Variants in LMTK2 observed in about 807,000 individuals in gnomAD.
The protein encoded by LMTK2 is serine/threonine-protein kinase LMTK2.
LMTK2 carries 37 observed loss-of-function variants against 127.5 expected under a neutral mutation model. That is an observed-to-expected ratio of 0.29 (90% CI 0.22 to 0.38). The LOEUF (loss-of-function observed/expected upper bound fraction) is 0.38, where lower values mean the gene tolerates loss of function less well. Ranked by LOEUF, LMTK2 falls within the 10% of genes least tolerant of loss-of-function variation. The pLI is 1.00. For synonymous variants in LMTK2, 819 were observed against 810.1 expected, an observed-to-expected ratio of 1.01 and a Z score of -0.19; for missense variants, 1,694 against 1,920.3, an observed-to-expected ratio of 0.88 and a Z score of 2.20.
chr7:98,107,781 TG>T, intron 1 of LMTK2, among the ~76,000 whole-genome samples: 2 of 152,324 alleles, frequency 1.3e-5, no homozygotes, highest in East Asian at 3.9e-4. Flanking sequence ...TTATTCGGAA[TG>T]TATCTCCGGG....
intron 11 of LMTK2, among the ~76,000 whole-genome samples, chr7:98,199,637 G>A (rs1437985004): frequency 6.6e-6 from 1 of 152,142 alleles, no homozygotes; most frequent in Non-Finnish European, 1.5e-5. Flanking sequence ...TGGGACTACG[G>A]GTGCACACCA....
chr7:98,156,381 C>T (rs1479355579), intron 5 of LMTK2, among the ~76,000 whole-genome samples: 1 of 151,688 alleles, frequency 6.6e-6, no homozygotes, highest in Non-Finnish European at 1.5e-5. Context: ...AGGAAAATGG[C>T]GTGAACCTGG....
chr7:98,202,177 C>G (rs753898505), intron 11 of LMTK2, among the ~76,000 whole-genome samples: 1 of 152,030 alleles, frequency 6.6e-6, no homozygotes, highest in Non-Finnish European at 1.5e-5. Context: ...TCTTCAAGGT[C>G]CCTGATGATT....
chr7:98,198,071 A>AT (rs57844130), intron 11 of LMTK2, among the ~76,000 whole-genome samples: 5,362 of 149,016 alleles, frequency 0.036, 324 homozygotes, highest in African/African-American at 0.12. Flanking sequence ...GTTTTCATGG[A>AT]TTTTTTTTTC....
intron 6 of LMTK2, among the ~76,000 whole-genome samples, chr7:98,160,898 TA>T (rs1797005995): frequency 6.6e-6 from 1 of 152,248 alleles, no homozygotes; most frequent in Non-Finnish European, 1.5e-5. Context: ...TTATTGATAC[TA>T]ATATAGTTAG....
chr7:98,141,299 A>C (rs1796695469), intron 2 of LMTK2, 98 bp from the exon 3 acceptor site: 1 of 1,203,272 alleles, frequency 8.3e-7, no homozygotes, highest in Non-Finnish European at 1.2e-6. Context: ...AAACTGGAAA[A>C]AAATAATTGT....
At chr7:98,205,438 C>T (rs750356402) in intron 13 of LMTK2, 26 bp from the exon 14 acceptor site, 3 of 1,613,482 alleles carry the variant, frequency 1.9e-6, no homozygotes, top group African/African-American at 1.3e-5. Context: ...CCAGCTTTGT[C>T]GTCTCGCTTC....
chr7:98,109,818 A>AAAGAGTTTAT (rs1796174204), intron 1 of LMTK2, among the ~76,000 whole-genome samples: 1 of 152,036 alleles, frequency 6.6e-6, no homozygotes, highest in African/African-American at 2.4e-5. Context: ...TCTCCATCCA[A>AAAGAGTTTAT]AAGAGTTTAT....
chr7:98,193,010 G>C lies in LMTK2; in HGVS notation c.2545G>C (p.Val849Leu). 6.2e-7 allele frequency: 1 copy of C among 1,614,054 alleles called. No homozygotes were observed. Among genetic ancestry groups the C allele is most frequent in the South Asian group, 1.1e-5 (1 of 91,084 alleles). The change falls in exon 11 of 14, where the codon GTC (valine) becomes CTC (leucine). Residue 849 changes from valine (V) to leucine (L), a missense_variant. Transcript: ENST00000297293. This position sits in a 1 kb window ranked among gnomAD's most constrained non-coding sequence, Gnocchi z 4.1. ...ETQPTCLDVI[V>L]PEDCLHQDIS... The stretch of plus-strand genomic sequence containing the variant: ...CCAGCCCACGTGTTTAGATGTTATT[G>C]TCCCGGAGGACTGTCTCCACCAGGA...
At chr7:98,143,589 A>AG (rs1171207579) in intron 3 of LMTK2, among the ~76,000 whole-genome samples, 28 of 152,352 alleles carry the variant, frequency 1.8e-4, no homozygotes, top group African/African-American at 5.8e-4. Flanking sequence ...AGCTGAGAGC[A>AG]GATAGGTAAA....
At chr7:98,175,482 G>A (rs1276969827) in intron 7 of LMTK2, among the ~76,000 whole-genome samples, 4 of 152,346 alleles carry the variant, frequency 2.6e-5, no homozygotes, top group African/African-American at 9.6e-5. Flanking sequence ...GCTGTGTTCT[G>A]TAGGCAGTAG....
chr7:98,116,244 C>T (rs1435600652), intron 1 of LMTK2, among the ~76,000 whole-genome samples: 1 of 152,126 alleles, frequency 6.6e-6, no homozygotes, highest in Non-Finnish European at 1.5e-5. Flanking sequence ...AGGACCGTGT[C>T]TTATATCCTT....
intron 7 of LMTK2, among the ~76,000 whole-genome samples, chr7:98,179,607 C>T (rs911530429): frequency 6.7e-6 from 1 of 148,426 alleles, no homozygotes; most frequent in Non-Finnish European, 1.5e-5. Context: ...CTCTCCCTCC[C>T]TCCCTTTCTC....
At chr7:98,130,205 GGGA>G (rs1429475544) in intron 1 of LMTK2, among the ~76,000 whole-genome samples, 1 of 152,098 alleles carries the variant, frequency 6.6e-6, no homozygotes, top group African/African-American at 2.4e-5. Context: ...AGTCGGGGCT[GGGA>G]GGTCAGAAGT....
chr7:98,197,246 G>A (rs908734744), intron 11 of LMTK2, among the ~76,000 whole-genome samples: 2 of 152,234 alleles, frequency 1.3e-5, no homozygotes, highest in African/African-American at 4.8e-5. Flanking sequence ...TGTGGGGGTG[G>A]TTGTCACCAT....
At chr7:98,197,163 G>A (rs1161216820) in intron 11 of LMTK2, among the ~76,000 whole-genome samples, 1 of 152,248 alleles carries the variant, frequency 6.6e-6, no homozygotes, top group East Asian at 1.9e-4. Flanking sequence ...ACCGTGTAAA[G>A]TAGTAAAGGC....
chr7:98,204,850 G>T, intron 13 of LMTK2, among the ~76,000 whole-genome samples: 1 of 152,204 alleles, frequency 6.6e-6, no homozygotes, highest in African/African-American at 2.4e-5. Flanking sequence ...TTCCCAGAGA[G>T]AACCTGCTCT....
intron 8 of LMTK2, among the ~76,000 whole-genome samples, chr7:98,185,894 A>T (rs1328421539): frequency 2.6e-5 from 4 of 151,956 alleles, no homozygotes; most frequent in African/African-American, 4.8e-5. Context: ...CAACATACGG[A>T]TAAGATCTGT....
chr7:98,184,974 C>T (rs2116448620), intron 7 of LMTK2, 77 bp from the exon 8 acceptor site: 3 of 1,023,598 alleles, frequency 2.9e-6, no homozygotes, highest in Non-Finnish European at 4.6e-6. Flanking sequence ...AGAGAAAGCC[C>T]ATTTCTGTGG....
Sources: allele counts gnomAD v4.1 joint callset (sites outside exome capture counted in the v4.1 genomes callset), GRCh38; gene constraint gnomAD v4.1.1; non-coding constraint Gnocchi (gnomAD v3.1); transcripts MANE v1.5; gene names NCBI Gene and HGNC (gene_info 2026-07-23, HGNC 2026-07-21).